KLF8: variants seen among roughly 807,000 people sequenced by gnomAD.
KLF8 encodes KLF transcription factor 8, also known as Krueppel-like factor 8.
A neutral mutation model predicts 18.2 loss-of-function variants in KLF8; 10 were observed. That is an observed-to-expected ratio of 0.55 (90% CI 0.34 to 0.93). KLF8 has a LOEUF of 0.93. Ranked by LOEUF, KLF8 falls within the 40% of genes least tolerant of loss-of-function variation. KLF8 has a pLI of 0.02. For synonymous variants in KLF8, 109 were observed against 97.3 expected, an observed-to-expected ratio of 1.12 and a Z score of -0.71; for missense variants, 264 against 277.9, an observed-to-expected ratio of 0.95 and a Z score of 0.36.
the KLF8 span, among the ~76,000 whole-genome samples, chrX:56,117,912 G>C: frequency 9.0e-6 from 1 of 111,593 alleles, no homozygotes; most frequent in Non-Finnish European, 1.9e-5. Flanking sequence ...TGGAGGCTGG[G>C]AAGTCTAAAA....
chrX:56,233,184 C>G lies in KLF8; in HGVS notation c.-151C>G. ...CCGGAGAAATAGGGGAGTGGGGGCCCAAGAACGAGAAGACGAGAACGCGTC... is the reference window on the plus strand; with the variant it reads ...CCGGAGAAATAGGGGAGTGGGGGCCGAAGAACGAGAAGACGAGAACGCGTC... On this transcript the variant is annotated 5_prime_UTR_variant, in exon 1 of 6. Coordinates refer to ENST00000468660, the MANE Select transcript of KLF8 (RefSeq NM_007250.5). 1 of 646,712 alleles carries G rather than the reference C, an allele frequency of 1.5e-6. No individual in the cohort carries two copies. Among genetic ancestry groups the G allele is most frequent in the Non-Finnish European group, 2.5e-6 (1 of 407,067 alleles). The allele number at this position is 646,712 out of a possible 1,213,427, so 53.3% of individuals were successfully genotyped here.
the KLF8 span, among the ~76,000 whole-genome samples, chrX:56,004,387 C>G: frequency 1.8e-5 from 2 of 112,073 alleles, no homozygotes; most frequent in Admixed American, 1.9e-4. Context: ...AATACTGGAA[C>G]TACCCACAAA....
the KLF8 span, among the ~76,000 whole-genome samples, chrX:56,186,644 A>G: frequency 8.9e-6 from 1 of 111,808 alleles, no homozygotes; most frequent in Non-Finnish European, 1.9e-5. Context: ...CTCCTCAGCA[A>G]ATGTAAAAGA....
chrX:56,206,167 G>A, the KLF8 span, among the ~76,000 whole-genome samples: 1 of 110,921 alleles, frequency 9.0e-6, no homozygotes, highest in South Asian at 3.9e-4. Flanking sequence ...TGACACATGG[G>A]GATTATTACA....
chrX:55,915,702 A>T, the KLF8 span, among the ~76,000 whole-genome samples: 1 of 112,119 alleles, frequency 8.9e-6, no homozygotes, highest in African/African-American at 3.2e-5. Context: ...CACTGGGCCT[A>T]TACTGCCTCA....
At chrX:56,184,753 A>T in the KLF8 span, among the ~76,000 whole-genome samples, 1 of 112,100 alleles carries the variant, frequency 8.9e-6, no homozygotes, top group African/African-American at 3.2e-5. Context: ...CTGCTGATAC[A>T]CAGGCAAACA....
At chrX:56,147,452 A>T in the KLF8 span, among the ~76,000 whole-genome samples, 12 of 112,164 alleles carry the variant, frequency 1.1e-4, no homozygotes, top group Non-Finnish European at 1.7e-4. Context: ...TTGTGCAAAA[A>T]CAAAAAACAA....
At chrX:56,084,847 TTAGA>T in the KLF8 span, among the ~76,000 whole-genome samples, 63 of 111,681 alleles carry the variant, frequency 5.6e-4, no homozygotes, top group African/African-American at 2.0e-3. Context: ...AGGCACAGAT[TTAGA>T]TTGAGAAGTC....
At chrX:56,182,587 C>A in the KLF8 span, among the ~76,000 whole-genome samples, 1 of 112,174 alleles carries the variant, frequency 8.9e-6, no homozygotes, top group Non-Finnish European at 1.9e-5. Context: ...TGTTTTCTCC[C>A]CATCTTTGTG....
At chrX:56,116,898 A>G in the KLF8 span, among the ~76,000 whole-genome samples, 1 of 110,437 alleles carries the variant, frequency 9.1e-6, no homozygotes, top group Admixed American at 9.7e-5. Flanking sequence ...GTAACATGTT[A>G]GAACTCTTAT....
the KLF8 span, among the ~76,000 whole-genome samples, chrX:56,047,961 A>G: frequency 8.9e-6 from 1 of 111,732 alleles, no homozygotes; most frequent in East Asian, 2.8e-4. Flanking sequence ...TGCCATTCTA[A>G]CTGGTGTGAG....
chrX:55,939,164 T>C, the KLF8 span, among the ~76,000 whole-genome samples: 1 of 111,782 alleles, frequency 8.9e-6, no homozygotes, highest in Non-Finnish European at 1.9e-5. Flanking sequence ...ACAGAAATTA[T>C]AACAAACTGT....
chrX:56,211,359 C>T, the KLF8 span, among the ~76,000 whole-genome samples: 1 of 112,541 alleles, frequency 8.9e-6, no homozygotes, highest in Non-Finnish European at 1.9e-5. Context: ...TATTCTCTTC[C>T]CTTACTTTCT....
chrX:55,997,725 G>A, the KLF8 span, among the ~76,000 whole-genome samples: 65 of 111,805 alleles, frequency 5.8e-4, no homozygotes, highest in East Asian at 0.013. Context: ...CTTCCTTTTC[G>A]CTTTTGTTCT....
At chrX:56,177,036 C>T in the KLF8 span, among the ~76,000 whole-genome samples, 1 of 110,931 alleles carries the variant, frequency 9.0e-6, no homozygotes, top group South Asian at 3.8e-4. Flanking sequence ...AACTTCTTTG[C>T]CATTGGTTAG....
Position 56,290,638 on chromosome X carries a change from C to G in KLF8, c.*6144C>G, listed in dbSNP as rs2067313271. On this transcript the variant is annotated 3_prime_UTR_variant, in exon 6 of 6. Transcript: ENST00000468660. ...TGGACCACATTCCATGTCACATTCT[C>G]AGAAGCACAAAGGCAATTTTCCAGA... Among the ~76,000 whole-genome samples the G allele has an allele frequency of 9.0e-6, 1 of 111,568 alleles. No homozygotes were observed. The highest frequency in any genetic ancestry group is 1.9e-5 in the Non-Finnish European group (1 of 53,087).
chrX:55,980,670 G>T, the KLF8 span, among the ~76,000 whole-genome samples: 1 of 111,691 alleles, frequency 9.0e-6, no homozygotes, highest in Non-Finnish European at 1.9e-5. Flanking sequence ...AATGATTCCT[G>T]GGCTAAGAGA....
At chrX:56,091,985 T>G in the KLF8 span, among the ~76,000 whole-genome samples, 316 of 109,754 alleles carry the variant, frequency 2.9e-3, 1 homozygote, top group African/African-American at 9.9e-3. Context: ...TATTGTTTTT[T>G]TTTTTTTTTT....
At chrX:55,931,364 A>G in the KLF8 span, among the ~76,000 whole-genome samples, 5 of 110,930 alleles carry the variant, frequency 4.5e-5, no homozygotes, top group Non-Finnish European at 5.7e-5. Context: ...TTGTATCTCT[A>G]TCTCTTTCAG....
Sources: allele counts gnomAD v4.1 joint callset (sites outside exome capture counted in the v4.1 genomes callset), GRCh38; gene constraint gnomAD v4.1.1; transcripts MANE v1.5; gene names NCBI Gene and HGNC (gene_info 2026-07-23, HGNC 2026-07-21).